The following ELFN2 variants were observed in gnomAD, a reference collection of about 807,000 sequenced individuals.
ELFN2 encodes the protein protein phosphatase 1 regulatory subunit 29.
In ELFN2, 17 loss-of-function variants were observed where a neutral mutation model predicts 45.5. That is an observed-to-expected ratio of 0.37 (90% CI 0.26 to 0.56). The LOEUF is 0.56. Ranked by LOEUF, ELFN2 falls within the 20% of genes least tolerant of loss-of-function variation. ELFN2 has a pLI of 0.77. For missense variants in ELFN2, 922 were observed against 1,183.2 expected (o/e 0.78, Z 3.24); for synonymous variants, 550 against 551.5 (o/e 1.00, Z 0.04).
rs1462413299 is a variant in ELFN2, at chr22:37,372,890, T to C, written c.*182A>G. 1.3e-5 allele frequency: 8 copies of C among 618,990 alleles called. No homozygotes were observed. The highest frequency in any genetic ancestry group is 3.2e-5 in the Admixed American group (1 of 31,128). The allele number at this position is 618,990 out of a possible 1,614,324, so 38.3% of individuals were successfully genotyped here. Reference sequence around the variant, plus strand: ...TTTTCCTGTCCGTTATTGTCGGATGTTGGTTTGTTCACAGTCGGGTGGTGG... The same window carrying C: ...TTTTCCTGTCCGTTATTGTCGGATGCTGGTTTGTTCACAGTCGGGTGGTGG... On this transcript the variant is annotated 3_prime_UTR_variant, in exon 3 of 3. Transcript: ENST00000402918. This position sits in a 1 kb window ranked among gnomAD's most constrained non-coding sequence, Gnocchi z 4.4.
intron 2 of ELFN2, among the ~76,000 whole-genome samples, chr22:37,390,362 C>T (rs1447587062): frequency 6.6e-6 from 1 of 152,242 alleles, no homozygotes; most frequent in Non-Finnish European, 1.5e-5. Context: ...TCATGCTGTA[C>T]ACACGGCCTC....
Position 37,375,844 on chromosome 22 carries a change from C to T in ELFN2, c.-310G>A, listed in dbSNP as rs940325822. The T allele has an allele frequency of 2.4e-5, 10 of 416,088 alleles. No individual in the cohort carries two copies. The highest frequency in any genetic ancestry group is 2.7e-5 in the Non-Finnish European group (6 of 225,550). The allele number at this position is 416,088 out of a possible 1,614,324, so 25.8% of individuals were successfully genotyped here. On this transcript the variant is annotated 5_prime_UTR_variant, in exon 3 of 3. Transcript: ENST00000402918. ...AGGGCTTGACTTCCTCTCCCTCCTC[C>T]TCCTCCTCCTCCTCCTCCTCCTCCT... is the stretch of plus-strand genomic sequence containing the variant.
At chr22:37,395,329 A>G (rs992503984) in intron 2 of ELFN2, among the ~76,000 whole-genome samples, 2 of 152,112 alleles carry the variant, frequency 1.3e-5, no homozygotes, top group African/African-American at 4.8e-5. Flanking sequence ...AGTGCCGACC[A>G]CACGCCAGAC....
chr22:37,343,584 G>A (rs1349196945), intron 1 of ELFN2, among the ~76,000 whole-genome samples: 1 of 151,964 alleles, frequency 6.6e-6, no homozygotes, highest in African/African-American at 2.4e-5. Flanking sequence ...AGCCTGTCTT[G>A]CTCCCTCCTC....
chr22:37,366,664 C>A (rs903040918), downstream of ELFN2, among the ~76,000 whole-genome samples: 2 of 152,232 alleles, frequency 1.3e-5, no homozygotes, highest in Admixed American at 1.3e-4. Context: ...AGGGCCCAGG[C>A]CCTACCTCTC....
At chr22:37,412,911 AC>A (rs1447505677) in intron 2 of ELFN2, among the ~76,000 whole-genome samples, 1 of 151,914 alleles carries the variant, frequency 6.6e-6, no homozygotes, top group Non-Finnish European at 1.5e-5. Flanking sequence ...TGGGCCAGGC[AC>A]CCCTAACCAC....
rs913218624 is a variant in ELFN2 at position 37,424,684 on chromosome 22, G to T, written c.-614+2614C>A. On this transcript the variant is annotated intron_variant, in intron 1 of 2. Transcript: ENST00000402918. ...CCCTGTAGCCACTGAGGGCGGCGGG[G>T]GGGGGGATGGAATTCACATTAAATC... Among the ~76,000 whole-genome samples the T allele has an allele frequency of 3.1e-4, 47 of 152,144 alleles. 1 individual carries two copies. The East Asian group carries it at 5.8e-3, about 19-fold the overall frequency.
intron 1 of ELFN2, among the ~76,000 whole-genome samples, chr22:37,347,460 C>T (rs556806020): frequency 5.2e-4 from 79 of 152,314 alleles, no homozygotes; most frequent in Admixed American, 8.5e-4. Context: ...ACCACCCACA[C>T]CTCTGGCCGT....
Position 37,374,702 on chromosome 22 carries a change from T to C in ELFN2, c.833A>G (p.Asp278Gly). ...EPDENSGFNPDEILSVEPPAS... is the reference protein window; with the variant it reads ...EPDENSGFNPGEILSVEPPAS... ...CGGCGGCTCCACCGAAAGGATCTCG[T>C]CGGGGTTGAAGCCCGAGTTCTCGTC... The change falls in exon 3 of 3, where the codon GAC becomes GGC. Residue 278 changes from aspartate to glycine, a missense_variant. Transcript: ENST00000402918. 2 of 1,611,806 alleles carry C rather than the reference T, an allele frequency of 1.2e-6. No homozygotes were observed. Among genetic ancestry groups the C allele is most frequent in the Non-Finnish European group, 1.7e-6 (2 of 1,178,424 alleles).
intron 1 of ELFN2, among the ~76,000 whole-genome samples, chr22:37,349,351 C>T (rs1293600097): frequency 6.6e-6 from 1 of 151,222 alleles, no homozygotes; most frequent in African/African-American, 2.4e-5. Flanking sequence ...CAAGGCCCAG[C>T]CCTGGGGATC....
chr22:37,359,711 T>C (rs1003557455), intron 1 of ELFN2, among the ~76,000 whole-genome samples: 5 of 152,166 alleles, frequency 3.3e-5, no homozygotes, highest in African/African-American at 9.7e-5. Context: ...CTGACCACCA[T>C]GGGGCAGGGC....
chr22:37,385,827 A>T (rs1931932869), intron 2 of ELFN2, among the ~76,000 whole-genome samples: 2 of 152,170 alleles, frequency 1.3e-5, no homozygotes, highest in Admixed American at 6.5e-5. Flanking sequence ...TACTAACAGC[A>T]TGGATCGGTC....
At chr22:37,348,562 G>A (rs1182704860) in intron 1 of ELFN2, among the ~76,000 whole-genome samples, 1 of 150,762 alleles carries the variant, frequency 6.6e-6, no homozygotes, top group Non-Finnish European at 1.5e-5. Context: ...GGTCCGGAAG[G>A]TGAGGCCCAG....
chr22:37,410,645 G>A (rs976300176), intron 2 of ELFN2, among the ~76,000 whole-genome samples: 3 of 152,166 alleles, frequency 2.0e-5, no homozygotes, highest in Admixed American at 6.5e-5. Context: ...GGCACTGACC[G>A]GAAACCGCAG....
chr22:37,422,953 G>A (rs367638797), intron 1 of ELFN2, among the ~76,000 whole-genome samples: 12 of 149,214 alleles, frequency 8.0e-5, no homozygotes, highest in South Asian at 6.5e-4. Flanking sequence ...CGGGGGGGGG[G>A]GGGGAAGTGA....
In ELFN2 at chr22:37,374,532, C is replaced by T. The variant is rs759330097; in HGVS notation, c.1003G>A (p.Asp335Asn). 11 of 1,614,102 alleles carry T rather than the reference C, an allele frequency of 6.8e-6. No individual in the cohort carries two copies. In the Admixed American group the frequency reaches 1.5e-4, roughly 22 times the overall value. The change falls in exon 3 of 3, where the codon GAC becomes AAC. Residue 335 changes from aspartate (D) to asparagine (N), a missense_variant. Transcript: ENST00000402918. The part of the protein sequence containing the change: ...LVQYNNSYFS[D>N]VMTLKNKKEI... Reference sequence around the variant, plus strand: ...TTCTTGTTCTTGAGGGTCATGACGTCGGAGAAGTAGCTGTTGTTGTACTGC... The same window carrying T: ...TTCTTGTTCTTGAGGGTCATGACGTTGGAGAAGTAGCTGTTGTTGTACTGC...
intron 2 of ELFN2, among the ~76,000 whole-genome samples, chr22:37,411,410 G>GAA (rs1932646772): frequency 6.7e-6 from 1 of 148,756 alleles, no homozygotes; most frequent in Non-Finnish European, 1.5e-5. Flanking sequence ...ATGCTTGGGG[G>GAA]TCCCTGGAGA....
chr22:37,378,691 C>G (rs1429482187), intron 2 of ELFN2, among the ~76,000 whole-genome samples: 2 of 152,256 alleles, frequency 1.3e-5, no homozygotes, highest in African/African-American at 4.8e-5. Flanking sequence ...CGACCCACCC[C>G]CGTGACTCAG....
At chr22:37,381,248 C>T (rs1234094717) in intron 2 of ELFN2, among the ~76,000 whole-genome samples, 2 of 152,216 alleles carry the variant, frequency 1.3e-5, no homozygotes, top group East Asian at 3.9e-4. Flanking sequence ...TCCTCCCCGG[C>T]TTCCCTCCAA....
Sources: gnomAD v4.1 joint callset for allele counts (sites outside exome capture counted in the v4.1 genomes callset) on GRCh38, gnomAD v4.1.1 for gene constraint, Gnocchi (gnomAD v3.1) non-coding constraint, MANE v1.5 for transcripts, NCBI Gene and HGNC (gene_info 2026-07-23, HGNC 2026-07-21) for gene names.